Variants in ZNF197 observed in about 807,000 individuals in gnomAD.
ZNF197 encodes VHL-associated KRAB-A domain-containing protein.
A neutral mutation model predicts 27.4 loss-of-function variants in ZNF197; 14 were observed. That is an observed-to-expected ratio of 0.51 (90% CI 0.34 to 0.80). ZNF197 has a LOEUF of 0.80. Ranked by LOEUF, ZNF197 falls within the 30% of genes least tolerant of loss-of-function variation. The pLI, the probability that ZNF197 is intolerant of heterozygous loss-of-function variation, is 0.02. For missense variants in ZNF197, 1,090 were observed against 1,222.6 expected, an observed-to-expected ratio of 0.89 and a Z score of 1.62; for synonymous variants, 415 against 420.0, an observed-to-expected ratio of 0.99 and a Z score of 0.15.
chr3:44,642,355 C>A lies in ZNF197; in HGVS notation c.1225C>A (p.Gln409Lys). The A allele has an allele frequency of 1.2e-6, 2 of 1,614,094 alleles. No homozygotes were observed. The highest frequency in any genetic ancestry group is 1.7e-6 in the Non-Finnish European group (2 of 1,180,016). The change falls in exon 6 of 6, where the codon CAG becomes AAG. Residue 409 changes from glutamine (Q) to lysine (K), a missense_variant. Physicochemically the swap from Gln to Lys is moderately conservative, Grantham distance 53. Coordinates refer to ENST00000344387, the MANE Select transcript of ZNF197 (RefSeq NM_006991.5). ...TAAGGAATGTGGAAAAGGCTTTATT[C>A]AGCGTTCGAGCCTTCTAATGCATTT... The part of the protein sequence containing the change: ...KCKECGKGFI[Q>K]RSSLLMHLRN...
At chr3:44,630,540 A>G (rs904375595) in intron 2 of ZNF197, among the ~76,000 whole-genome samples, 1 of 152,168 alleles carries the variant, frequency 6.6e-6, no homozygotes, top group African/African-American at 2.4e-5. Context: ...TTTTAGAGCT[A>G]TATATTTCGT....
At chr3:44,637,733 C>T (rs1234185822) in intron 5 of ZNF197, among the ~76,000 whole-genome samples, 1 of 152,140 alleles carries the variant, frequency 6.6e-6, no homozygotes, top group Non-Finnish European at 1.5e-5. Context: ...TTCCCCATTG[C>T]ATTGTTTTGG....
intron 1 of ZNF197, among the ~76,000 whole-genome samples, chr3:44,628,441 A>G (rs1701792189): frequency 6.6e-6 from 1 of 152,240 alleles, no homozygotes; most frequent in African/African-American, 2.4e-5. Context: ...AACAATTTTC[A>G]GAGAATTAAA....
In ZNF197 at chr3:44,631,224, A is replaced by T; in HGVS notation, c.550+3A>T. The T allele has an allele frequency of 6.2e-7, 1 of 1,613,848 alleles. No homozygotes were observed. The highest frequency in any genetic ancestry group is 1.1e-5 in the South Asian group (1 of 91,062). The stretch of plus-strand genomic sequence containing the variant: ...CAACCTCCAGGATCCTCAGCATGGT[A>T]TTTACTCAGTGCTCTGGGTTTTGGG... On this transcript the variant is annotated splice_donor_region_variant and intron_variant, in intron 3 of 5. Transcript: ENST00000344387.
At chr3:44,641,079 G>C (rs1395698911) in intron 5 of ZNF197, among the ~76,000 whole-genome samples, 1 of 152,076 alleles carries the variant, frequency 6.6e-6, no homozygotes, top group Non-Finnish European at 1.5e-5. Flanking sequence ...TCTCACACTT[G>C]GGTAGTTTGA....
intron 5 of ZNF197, among the ~76,000 whole-genome samples, chr3:44,641,138 G>A (rs756642202): frequency 6.6e-6 from 1 of 152,154 alleles, no homozygotes; most frequent in Non-Finnish European, 1.5e-5. Context: ...TAAAATATTT[G>A]AGAATATTGG....
At position 44,645,547 on chromosome 3, in the gene ZNF197, T is replaced by A; in HGVS notation, c.*1327T>A. 1 of 985,382 alleles carries A rather than the reference T, an allele frequency of 1.0e-6. No homozygotes were observed. The highest frequency in any genetic ancestry group is 1.2e-6 in the Non-Finnish European group (1 of 829,920). 61.0% of individuals were successfully genotyped at this position (985,382 alleles called of 1,614,324 possible). A position where few individuals can be genotyped will look rare whatever the true frequency, so the allele number is the denominator to read the frequency against. ...AAGGAAAACAATTTATTTCCCAGCT[T>A]TTGAATTTGAAACTTAACAGATGGA... On this transcript the variant is annotated 3_prime_UTR_variant, in exon 6 of 6. Transcript: ENST00000344387.
rs772742391 is a variant in ZNF197 at position 44,642,401 on chromosome 3, A to G, written c.1271A>G (p.Lys424Arg). ...LMHLRNHSGE[K>R]PYKCNECGKA... ...CATTTACGGAACCATTCAGGGGAGA[A>G]ACCTTATAAATGTAATGAATGTGGG... Residue 424 changes from lysine (K) to arginine (R), a missense_variant, in exon 6 of 6, where the codon AAA (lysine) becomes AGA (arginine). Lys to Arg is a conservative substitution (Grantham distance 26, BLOSUM62 2). Transcript: ENST00000344387. 12 of 1,614,026 alleles carry G rather than the reference A, an allele frequency of 7.4e-6. No homozygotes were observed. The East Asian group carries it at 2.5e-4, about 33-fold the overall frequency.
intron 1 of ZNF197, among the ~76,000 whole-genome samples, chr3:44,627,717 G>A (rs1701752862): frequency 6.6e-6 from 1 of 151,564 alleles, no homozygotes; most frequent in African/African-American, 2.4e-5. Context: ...TGTAGTACCA[G>A]CTGCCTGGAA....
At position 44,646,063 on chromosome 3, in the gene ZNF197, T is replaced by C. The variant is rs987297708; in HGVS notation, c.*1843T>C. ...TTCAACCCCACAGTTTCTTGGGGGC[T>C]GGTTCCTCATTAGAGTGAAAGGTAG... On this transcript the variant is annotated 3_prime_UTR_variant, in exon 6 of 6. Coordinates refer to ENST00000344387, the MANE Select transcript of ZNF197 (RefSeq NM_006991.5). 7 of 985,424 alleles carry C rather than the reference T, an allele frequency of 7.1e-6. No individual in the cohort carries two copies. The highest frequency in any genetic ancestry group is 8.4e-6 in the Non-Finnish European group (7 of 829,930). The allele number at this position is 985,424 out of a possible 1,614,324, so 61.0% of individuals were successfully genotyped here. A position where few individuals can be genotyped will look rare whatever the true frequency, so the allele number is the denominator to read the frequency against.
At chr3:44,632,348 A>G in intron 4 of ZNF197, 125 bp from the exon 5 acceptor site, 1 of 1,489,612 alleles carries the variant, frequency 6.7e-7, no homozygotes, top group Non-Finnish European at 9.2e-7. Context: ...TGATCTCCTT[A>G]TGTCTCCCTG....
intron 5 of ZNF197, among the ~76,000 whole-genome samples, chr3:44,635,734 T>C (rs971955119): frequency 2.0e-5 from 3 of 152,154 alleles, no homozygotes; most frequent in Admixed American, 6.5e-5. Flanking sequence ...ATTGGAGAGA[T>C]AGACATTTCC....
At chr3:44,639,617 C>T (rs2125816918) in intron 5 of ZNF197, among the ~76,000 whole-genome samples, 1 of 152,084 alleles carries the variant, frequency 6.6e-6, no homozygotes, top group East Asian at 1.9e-4. Flanking sequence ...TTTATTGGCA[C>T]AGTATCATTG....
intron 5 of ZNF197, among the ~76,000 whole-genome samples, chr3:44,637,827 C>A (rs968944086): frequency 3.3e-5 from 5 of 152,152 alleles, no homozygotes; most frequent in African/African-American, 4.8e-5. Flanking sequence ...TATATGTCTA[C>A]CCTTATGTCA....
chr3:44,645,355 A>G lies in ZNF197; in HGVS notation c.*1135A>G, dbSNP rs1702895864. On this transcript the variant is annotated 3_prime_UTR_variant, in exon 6 of 6. Transcript: ENST00000344387. ...GGGGGATTCCAGGAACCTAAAAGAT[A>G]CTCATTTTCATAAGAGGAAGTATGG... The G allele has an allele frequency of 2.0e-6, 2 of 984,702 alleles. No individual in the cohort carries two copies. The highest frequency in any genetic ancestry group is 3.5e-5 in the African/African-American group (2 of 56,658). 61.0% of individuals were successfully genotyped at this position (984,702 alleles called of 1,614,324 possible). A position where few individuals can be genotyped will look rare whatever the true frequency, so the allele number is the denominator to read the frequency against.
Position 44,644,640 on chromosome 3 carries a change from G to GA in ZNF197, c.*426dup, listed in dbSNP as rs1466333942. The GA allele has an allele frequency of 2.0e-6, 2 of 987,286 alleles. No individual in the cohort carries two copies. The highest frequency in any genetic ancestry group is 1.2e-6 in the Non-Finnish European group (1 of 831,338). 61.2% of individuals were successfully genotyped at this position (987,286 alleles called of 1,614,324 possible). ...GGCAACAAGAGCGAAACTCTTGTCT[G>GA]AAAAAATAAAGTTCATCCCAACTTT... On this transcript the variant is annotated 3_prime_UTR_variant, in exon 6 of 6. Transcript: ENST00000344387.
chr3:44,627,830 C>CAAA (rs536166949), intron 1 of ZNF197, among the ~76,000 whole-genome samples: 54 of 85,424 alleles, frequency 6.3e-4, no homozygotes, highest in African/African-American at 7.3e-4. Flanking sequence ...GACTCCATCT[C>CAAA]AAAAAAAAAA....
rs868097285 is a variant in ZNF197 at position 44,641,953 on chromosome 3, CAA to C, written c.825_826del (p.Arg276SerfsTer5). 2 of 1,611,770 alleles carry C rather than the reference CAA, an allele frequency of 1.2e-6. No individual in the cohort carries two copies. The highest frequency in any genetic ancestry group is 1.7e-6 in the Non-Finnish European group (2 of 1,178,942). On this transcript the variant is annotated frameshift_variant, in exon 6 of 6. Transcript: ENST00000344387. LOFTEE classifies it low-confidence loss of function (END_TRUNC). The part of the protein sequence containing the change: ...EEVTSKPSSS[Q>X]RADSHKGTSK... Reference sequence around the variant, plus strand: ...GGTGACATCAAAGCCAAGTAGTTCTCAAAGAGCAGACTCTCATAAAGGAACAT... The same window carrying C: ...GGTGACATCAAAGCCAAGTAGTTCTCAGAGCAGACTCTCATAAAGGAACAT...
Position 44,642,043 on chromosome 3 carries a change from G to A in ZNF197, c.913G>A (p.Val305Ile), listed in dbSNP as rs549241636. 1 of 1,614,132 alleles carries A rather than the reference G, an allele frequency of 6.2e-7. No homozygotes were observed. The highest frequency in any genetic ancestry group is 1.3e-5 in the African/African-American group (1 of 75,044). The change falls in exon 6 of 6, where the codon GTT becomes ATT. Residue 305 changes from valine (V) to isoleucine (I), a missense_variant. Val to Ile is a conservative substitution (Grantham distance 29, BLOSUM62 3). Coordinates refer to ENST00000344387, the MANE Select transcript of ZNF197 (RefSeq NM_006991.5). ...LDFEEECEWQVLASQWGNETD... is the reference protein window; with the variant it reads ...LDFEEECEWQILASQWGNETD... ...TTTTGAAGAAGAGTGTGAATGGCAA[G>A]TTTTGGCAAGTCAGTGGGGAAATGA...
Sources: allele counts gnomAD v4.1 joint callset (sites outside exome capture counted in the v4.1 genomes callset), GRCh38; gene constraint gnomAD v4.1.1; transcripts MANE v1.5; gene names NCBI Gene and HGNC (gene_info 2026-07-23, HGNC 2026-07-21).